Variants in TANC1 observed in about 807,000 individuals in gnomAD.
TANC1 encodes the protein protein TANC1.
TANC1 carries 77 observed loss-of-function variants against 149.7 expected under a neutral mutation model. The observed-to-expected ratio is 0.51, with a 90% CI of 0.43 to 0.62. TANC1 has a LOEUF of 0.62. TANC1 is among the 20% of genes least tolerant of loss of function. The pLI, the probability that TANC1 is intolerant of heterozygous loss-of-function variation, is 0.00. For synonymous variants in TANC1, 854 were observed against 925.0 expected, an observed-to-expected ratio of 0.92 and a Z score of 1.39; for missense variants, 1,985 against 2,321.8, an observed-to-expected ratio of 0.85 and a Z score of 2.98.
intron 22 of TANC1, among the ~76,000 whole-genome samples, chr2:159,222,016 C>T (rs191432112): frequency 7.4e-4 from 113 of 152,310 alleles, no homozygotes; most frequent in Admixed American, 1.6e-3. Flanking sequence ...CAGTGGAAGC[C>T]ATGGCCCTGT....
intron 19 of TANC1, among the ~76,000 whole-genome samples, chr2:159,200,082 T>C (rs1233388984): frequency 6.6e-6 from 1 of 152,244 alleles, no homozygotes; most frequent in Non-Finnish European, 1.5e-5. Context: ...TATTGCCTAA[T>C]TCTTTATGGA....
At chr2:159,218,740 G>A (rs1266352020) in intron 20 of TANC1, among the ~76,000 whole-genome samples, 1 of 152,168 alleles carries the variant, frequency 6.6e-6, no homozygotes, top group Non-Finnish European at 1.5e-5. Flanking sequence ...TGCCTTCCCC[G>A]AAGGGCATGC....
chr2:159,218,163 A>G (rs1366951041), intron 20 of TANC1, among the ~76,000 whole-genome samples: 1 of 152,202 alleles, frequency 6.6e-6, no homozygotes, highest in Non-Finnish European at 1.5e-5. Flanking sequence ...TTCATTTCGT[A>G]AACAGTGACC....
intron 19 of TANC1, among the ~76,000 whole-genome samples, chr2:159,211,329 G>A (rs986829364): frequency 2.0e-5 from 3 of 152,244 alleles, no homozygotes; most frequent in South Asian, 4.1e-4. Context: ...TCCAATTTGA[G>A]TCCTAAAAAG....
chr2:159,072,560 C>T (rs965001925), intron 3 of TANC1, among the ~76,000 whole-genome samples: 6 of 152,186 alleles, frequency 3.9e-5, no homozygotes, highest in Admixed American at 2.6e-4. Flanking sequence ...CATTTGGCCT[C>T]TGCTAGATAT....
intron 1 of TANC1, among the ~76,000 whole-genome samples, chr2:158,991,869 T>C (rs1437615685): frequency 3.3e-5 from 5 of 152,360 alleles, no homozygotes; most frequent in South Asian, 2.1e-4. Flanking sequence ...CATAGTATTA[T>C]GCATAATGCT....
At chr2:159,031,758 A>C (rs890091040) in intron 2 of TANC1, among the ~76,000 whole-genome samples, 1 of 152,188 alleles carries the variant, frequency 6.6e-6, no homozygotes, top group African/African-American at 2.4e-5. Context: ...ATGATTAAAG[A>C]TATGTGAGGT....
At chr2:159,128,657 G>A (rs1369910517) in intron 4 of TANC1, among the ~76,000 whole-genome samples, 1 of 152,172 alleles carries the variant, frequency 6.6e-6, no homozygotes, top group African/African-American at 2.4e-5. Flanking sequence ...AGCACAGGGA[G>A]CCAGCCCATG....
intron 2 of TANC1, among the ~76,000 whole-genome samples, chr2:159,030,728 T>C (rs1214208577): frequency 6.6e-6 from 1 of 152,184 alleles, no homozygotes; most frequent in African/African-American, 2.4e-5. Flanking sequence ...GGTTTTGTTT[T>C]TGACATTTTT....
At chr2:159,056,002 A>G in intron 2 of TANC1, 1 of 310,814 alleles carries the variant, frequency 3.2e-6, no homozygotes, top group East Asian at 9.5e-5. Context: ...TCAGCATAAA[A>G]GCTTGTTGCC....
intron 7 of TANC1, among the ~76,000 whole-genome samples, chr2:159,160,891 A>T (rs1345347729): frequency 1.3e-5 from 2 of 152,166 alleles, no homozygotes; most frequent in African/African-American, 2.4e-5. Context: ...TTCTCTTCGC[A>T]GTGACTGCTC....
At chr2:159,028,166 G>C (rs1203333070) in intron 2 of TANC1, among the ~76,000 whole-genome samples, 2 of 152,070 alleles carry the variant, frequency 1.3e-5, no homozygotes, top group Non-Finnish European at 2.9e-5. Flanking sequence ...TGTTGCCTAG[G>C]CTGGAGTGCA....
At chr2:159,127,143 G>T (rs1015484945) in intron 4 of TANC1, among the ~76,000 whole-genome samples, 1 of 152,154 alleles carries the variant, frequency 6.6e-6, no homozygotes, top group African/African-American at 2.4e-5. Flanking sequence ...CCATCAAAAA[G>T]TGGGCGAAGG....
At chr2:159,132,245 G>A (rs868416239) in intron 4 of TANC1, among the ~76,000 whole-genome samples, 6 of 152,144 alleles carry the variant, frequency 3.9e-5, no homozygotes, top group Admixed American at 6.5e-5. Context: ...ATGTATGTGC[G>A]TGCTTTGCCT....
chr2:159,209,984 T>C (rs1032813637), intron 19 of TANC1, among the ~76,000 whole-genome samples: 87 of 152,280 alleles, frequency 5.7e-4, no homozygotes, highest in African/African-American at 2.0e-3. Context: ...GGAAGTAAAT[T>C]GCACATGTGA....
At chr2:159,025,497 T>C (rs1400453020) in intron 2 of TANC1, among the ~76,000 whole-genome samples, 1 of 152,150 alleles carries the variant, frequency 6.6e-6, no homozygotes, top group African/African-American at 2.4e-5. Flanking sequence ...CCTTTGTAAA[T>C]AGTATGTATC....
Position 159,038,261 on chromosome 2 carries a change from G to A in TANC1, c.-15-27635G>A, listed in dbSNP as rs567318674. Among the ~76,000 whole-genome samples, 30 of 152,236 alleles carry A rather than the reference G, an allele frequency of 2.0e-4. No homozygotes were observed. The South Asian group carries it at 3.1e-3, about 16-fold the overall frequency. On this transcript the variant is annotated intron_variant, in intron 2 of 26. Coordinates refer to ENST00000263635, the MANE Select transcript of TANC1 (RefSeq NM_033394.3). The stretch of plus-strand genomic sequence containing the variant: ...GCTTAAGGAGATTTTGGGCTGAGAC[G>A]ATGGGGTTTTCTAAATATACACTCA...
In TANC1 at chr2:159,152,434, T is replaced by A. The variant is rs115980336; in HGVS notation, c.682+1878T>A. On this transcript the variant is annotated intron_variant, in intron 7 of 26. Coordinates refer to ENST00000263635, the MANE Select transcript of TANC1 (RefSeq NM_033394.3). ...TTTTTCTTTTGAACATCCTGGCCATTGGCATTACATGCCTTTGATTATAAC... is the reference window on the plus strand; with the variant it reads ...TTTTTCTTTTGAACATCCTGGCCATAGGCATTACATGCCTTTGATTATAAC... Among the ~76,000 whole-genome samples the A allele has an allele frequency of 8.1e-3, 1,237 of 152,088 alleles. 16 individuals are homozygous for A. Among genetic ancestry groups the A allele is most frequent in the African/African-American group, 0.027 (1,126 of 41,500 alleles).
At chr2:159,047,051 G>A (rs2041117674) in intron 2 of TANC1, among the ~76,000 whole-genome samples, 1 of 151,972 alleles carries the variant, frequency 6.6e-6, no homozygotes, top group Admixed American at 6.5e-5. Flanking sequence ...ATAATTCTGT[G>A]GCTTCAGCCA....
Sources: gnomAD v4.1 joint callset for allele counts (sites outside exome capture counted in the v4.1 genomes callset) on GRCh38, gnomAD v4.1.1 for gene constraint, MANE v1.5 for transcripts, NCBI Gene and HGNC (gene_info 2026-07-23, HGNC 2026-07-21) for gene names.